Variants in SYTL5 observed in about 807,000 individuals in gnomAD.
SYTL5 encodes synaptotagmin-like protein 5.
A neutral mutation model predicts 55.9 loss-of-function variants in SYTL5; 34 were observed. The observed-to-expected ratio is 0.61, with a 90% CI of 0.46 to 0.81. SYTL5 has a LOEUF of 0.81. Ranked by LOEUF, SYTL5 falls within the 30% of genes least tolerant of loss-of-function variation. The probability of loss-of-function intolerance (pLI) is 0.00; values close to 1 mark genes in which losing one functional copy is unlikely to be tolerated. For missense variants in SYTL5, 637 were observed against 546.7 expected (o/e 1.17, Z -1.65); for synonymous variants, 221 against 188.7 (o/e 1.17, Z -1.40).
the SYTL5 span, among the ~76,000 whole-genome samples, chrX:37,948,520 T>C: frequency 9.1e-6 from 1 of 110,330 alleles, no homozygotes; most frequent in Non-Finnish European, 1.9e-5. Flanking sequence ...AATTTATATA[T>C]TTACATATAT....
At chrX:37,978,873 G>A in the SYTL5 span, among the ~76,000 whole-genome samples, 54 of 111,545 alleles carry the variant, frequency 4.8e-4, no homozygotes, top group Non-Finnish European at 7.5e-4. Context: ...GGTGAAAATG[G>A]AGGTTCAGGA....
the SYTL5 span, chrX:37,991,012 A>G: frequency 8.3e-7 from 1 of 1,211,914 alleles, no homozygotes; most frequent in Non-Finnish European, 1.1e-6. Flanking sequence ...ACCTTGCTCG[A>G]TTGCCTTGCT....
chrX:37,958,313 T>G, the SYTL5 span, among the ~76,000 whole-genome samples: 2 of 111,600 alleles, frequency 1.8e-5, no homozygotes, highest in Admixed American at 1.9e-4. Flanking sequence ...CAGCATCTGC[T>G]AATAGCCTTC....
At chrX:37,895,409 TTTCCTTCCTTCCTTCC>T in the SYTL5 span, among the ~76,000 whole-genome samples, 232 of 83,443 alleles carry the variant, frequency 2.8e-3, 2 homozygotes, top group African/African-American at 0.012. Context: ...TAGTTTTTCT[TTTCCTTCCTTCCTTCC>T]TTCCTTCCTT....
chrX:37,921,596 C>T, the SYTL5 span, among the ~76,000 whole-genome samples: 8 of 111,911 alleles, frequency 7.1e-5, no homozygotes, highest in African/African-American at 2.6e-4. Flanking sequence ...AAGTAAAGTA[C>T]AGTGGTTGGA....
chrX:38,069,888 A>G (rs1195977782), intron 3 of SYTL5, among the ~76,000 whole-genome samples: 1 of 112,195 alleles, frequency 8.9e-6, no homozygotes, highest in Non-Finnish European at 1.9e-5. Context: ...AAATGTATCC[A>G]GAAATAACTT....
chrX:37,911,444 C>T, the SYTL5 span, among the ~76,000 whole-genome samples: 1 of 111,496 alleles, frequency 9.0e-6, no homozygotes. Context: ...TGTTTGTTCT[C>T]CAATCATAGA....
At chrX:38,070,586 T>G (rs1002595623) in intron 3 of SYTL5, among the ~76,000 whole-genome samples, 16 of 111,680 alleles carry the variant, frequency 1.4e-4, no homozygotes, top group Non-Finnish European at 2.5e-4. Flanking sequence ...TTAGAAAAAC[T>G]GCTAGAATGA....
At chrX:38,019,793 GC>G (rs1934483530) in intron 1 of SYTL5, among the ~76,000 whole-genome samples, 1 of 110,422 alleles carries the variant, frequency 9.1e-6, no homozygotes, top group African/African-American at 3.3e-5. Context: ...GTGCCACCAT[GC>G]CCAACTAACT....
chrX:38,040,523 C>A (rs12014729), intron 2 of SYTL5, among the ~76,000 whole-genome samples: 128 of 105,629 alleles, frequency 1.2e-3, no homozygotes, highest in African/African-American at 3.9e-3. Flanking sequence ...CTATCTATGT[C>A]CAGGAGTTCA....
At chrX:37,934,289 C>G in the SYTL5 span, among the ~76,000 whole-genome samples, 1 of 110,178 alleles carries the variant, frequency 9.1e-6, no homozygotes, top group Admixed American at 9.7e-5. Context: ...CTGAAGGAAA[C>G]CACATCTAAA....
intron 6 of SYTL5, among the ~76,000 whole-genome samples, chrX:38,084,960 A>G (rs747208731): frequency 7.2e-5 from 8 of 111,253 alleles, no homozygotes; most frequent in African/African-American, 2.6e-4. Flanking sequence ...AAAATGTAAA[A>G]ACTACTCTAA....
chrX:38,048,733 GATT>G (rs1480713306), intron 2 of SYTL5, among the ~76,000 whole-genome samples: 20 of 110,596 alleles, frequency 1.8e-4, no homozygotes, highest in African/African-American at 5.9e-4. Flanking sequence ...CCCACCAAAT[GATT>G]ATCTCCCACC....
chrX:38,063,669 A>G (rs946409599), intron 3 of SYTL5, among the ~76,000 whole-genome samples: 8 of 111,993 alleles, frequency 7.1e-5, no homozygotes, highest in Admixed American at 4.7e-4. Context: ...TGGAAATCAT[A>G]CTACCTGTAT....
the SYTL5 span, among the ~76,000 whole-genome samples, chrX:37,969,652 T>G: frequency 6.2e-5 from 7 of 112,120 alleles, no homozygotes; most frequent in Admixed American, 2.8e-4. Flanking sequence ...CCGTTTTTTT[T>G]GACCGAGTCT....
the SYTL5 span, among the ~76,000 whole-genome samples, chrX:37,984,480 G>T: frequency 1.6e-4 from 18 of 111,864 alleles, no homozygotes; most frequent in Non-Finnish European, 5.7e-5. Context: ...TAAATAGATT[G>T]AATTAGTAAT....
At chrX:37,991,285 C>T in the SYTL5 span, 1 of 1,109,428 alleles carries the variant, frequency 9.0e-7, no homozygotes. Flanking sequence ...TTGTCATCAA[C>T]AAGTGCTATT....
the SYTL5 span, among the ~76,000 whole-genome samples, chrX:37,923,523 TTATATA>T: frequency 9.1e-6 from 1 of 109,835 alleles, no homozygotes; most frequent in Non-Finnish European, 1.9e-5. Flanking sequence ...AATATAAACT[TTATATA>T]TATATAAAGA....
chrX:38,021,291 GT>G (rs1159673822), intron 1 of SYTL5, among the ~76,000 whole-genome samples: 2 of 111,956 alleles, frequency 1.8e-5, no homozygotes, highest in African/African-American at 3.2e-5. Context: ...CCTTTGAGGA[GT>G]CTTTAGTTTT....
Sources: allele counts gnomAD v4.1 joint callset (sites outside exome capture counted in the v4.1 genomes callset), GRCh38; gene constraint gnomAD v4.1.1; transcripts MANE v1.5; gene names NCBI Gene and HGNC (gene_info 2026-07-23, HGNC 2026-07-21).